PREPL: variants seen among roughly 807,000 people sequenced by gnomAD.
PREPL encodes prolyl endopeptidase like.
In PREPL, 77 loss-of-function variants were observed where a neutral mutation model predicts 70.6. That is an observed-to-expected ratio of 1.09 (90% CI 0.91 to 1.32). The LOEUF (loss-of-function observed/expected upper bound fraction) is 1.32. PREPL is among the 40% of genes most tolerant of loss of function. PREPL has a pLI of 0.00. For missense variants in PREPL, 1,002 were observed against 778.2 expected (o/e 1.29, Z -3.42); for synonymous variants, 315 against 264.8 (o/e 1.19, Z -1.84).
At chr2:44,335,826 A>G (rs1158088859) in intron 7 of PREPL, among the ~76,000 whole-genome samples, 1 of 151,998 alleles carries the variant, frequency 6.6e-6, no homozygotes, top group Non-Finnish European at 1.5e-5. Flanking sequence ...TTTATAAGGA[A>G]CTTATATTAA....
At chr2:44,327,037 A>G in intron 9 of PREPL, 109 bp from the exon 10 acceptor site, 1 of 916,656 alleles carries the variant, frequency 1.1e-6, no homozygotes, top group Non-Finnish European at 1.7e-6. Context: ...CCTGGAGCTA[A>G]GACTGGTTTT....
At position 44,346,294 on chromosome 2, in the gene PREPL, C is replaced by T. The variant is rs1339816393; in HGVS notation, c.49G>A (p.Glu17Lys). The T allele has an allele frequency of 6.2e-7, 1 of 1,612,416 alleles. No individual in the cohort carries two copies. The highest frequency in any genetic ancestry group is 1.7e-5 in the Admixed American group (1 of 59,932). Reference protein sequence around the residue: ...VRTKLETQPQEEYEIINVEVK... With the variant: ...VRTKLETQPQKEYEIINVEVK... ...TCCACATTGATGATTTCATATTCTT[C>T]TTGTGGCTGTGTTTCTAATTTTGTT... is the stretch of plus-strand genomic sequence containing the variant. Residue 17 changes from glutamate to lysine, a missense_variant, in exon 2 of 14, where the codon GAA becomes AAA. Transcript: ENST00000409411.
intron 13 of PREPL, 157 bp downstream of exon 13, chr2:44,321,670 A>T (rs1384670485): frequency 1.3e-6 from 2 of 1,537,678 alleles, no homozygotes; most frequent in South Asian, 2.5e-5. Flanking sequence ...ATTTCTCTTG[A>T]TTGACACAGT....
intron 1 of PREPL, among the ~76,000 whole-genome samples, chr2:44,361,077 A>G (rs966285258): frequency 3.3e-5 from 5 of 152,240 alleles, no homozygotes; most frequent in African/African-American, 1.2e-4. Context: ...CAAAGGTCCT[A>G]CATCACCACG....
Position 44,320,096 on chromosome 2 carries a change from G to T in PREPL, c.*1260C>A. ...TTTGGCAATTATAAGGGGCAAAATT[G>T]GAGCAAGTGTTTTGGGTAAATAACT... On this transcript the variant is annotated 3_prime_UTR_variant, in exon 14 of 14. Coordinates refer to ENST00000409411, the MANE Select transcript of PREPL (RefSeq NM_001171613.2). 3 of 1,013,972 alleles carry T rather than the reference G, an allele frequency of 3.0e-6. No individual in the cohort carries two copies. The Admixed American group carries it at 7.4e-5, about 25-fold the overall frequency. The allele number at this position is 1,013,972 out of a possible 1,614,324, so 62.8% of individuals were successfully genotyped here. A position where few individuals can be genotyped will look rare whatever the true frequency, so the allele number is the denominator to read the frequency against.
intron 8 of PREPL, 55 bp from the exon 9 acceptor site, chr2:44,329,167 T>G: frequency 7.1e-7 from 1 of 1,408,108 alleles, no homozygotes; most frequent in African/African-American, 1.4e-5. Context: ...AATAACTGTT[T>G]TATCCCAATT....
intron 1 of PREPL, among the ~76,000 whole-genome samples, chr2:44,355,820 T>C (rs1290655568): frequency 6.6e-6 from 1 of 151,150 alleles, no homozygotes; most frequent in East Asian, 1.9e-4. Context: ...TTGCAGGAGC[T>C]GCTAACCTGT....
chr2:44,317,878 A>G lies in PREPL; in HGVS notation c.*3478T>C. 1 of 216,118 alleles carries G rather than the reference A, an allele frequency of 4.6e-6. No homozygotes were observed. The highest frequency in any genetic ancestry group is 9.5e-6 in the Non-Finnish European group (1 of 104,850). The allele number at this position is 216,118 out of a possible 1,614,324, so 13.4% of individuals were successfully genotyped here. A position where few individuals can be genotyped will look rare whatever the true frequency, so the allele number is the denominator to read the frequency against. On this transcript the variant is annotated 3_prime_UTR_variant, in exon 14 of 14. Coordinates refer to ENST00000409411, the MANE Select transcript of PREPL (RefSeq NM_001171613.2). ...ATGGGTTAAATTAGCCTATTAAAAG[A>G]TAAAACCACTCAGATAACAAAAACA...
chr2:44,338,473 T>C lies in PREPL; in HGVS notation c.766A>G (p.Arg256Gly). The change falls in exon 7 of 14, where the codon AGA becomes GGA. Residue 256 changes from arginine to glycine, a missense_variant. Coordinates refer to ENST00000409411, the MANE Select transcript of PREPL (RefSeq NM_001171613.2). ...TCCAAGTCTATCACTTTTGTATTTC[T>C]CTTCATTGTAAAAAATAAATCCCAA... is the stretch of plus-strand genomic sequence containing the variant. ...MNWDLFFTMK[R>G]NTKVIDLDMF... 6.2e-7 allele frequency: 1 copy of C among 1,612,802 alleles called. No homozygotes were observed. Among genetic ancestry groups the C allele is most frequent in the East Asian group, 2.2e-5 (1 of 44,878 alleles).
intron 1 of PREPL, among the ~76,000 whole-genome samples, chr2:44,353,579 C>T (rs538203966): frequency 5.0e-4 from 76 of 150,818 alleles, no homozygotes; most frequent in African/African-American, 1.7e-3. Flanking sequence ...CAGAGCGAGA[C>T]TCCATCTCAA....
Position 44,339,255 on chromosome 2 carries a change from G to A in PREPL, c.594C>T (p.Asp198=), listed in dbSNP as rs373041097. 5.4e-5 allele frequency: 87 copies of A among 1,613,946 alleles called. No homozygotes were observed. The African/African-American group carries it at 1.1e-3, about 20-fold the overall frequency. Residue 198 remains aspartate (D), a synonymous_variant, in exon 6 of 14, where the codon GAC becomes GAT. Transcript: ENST00000409411. ...TTCGCTTCTGGATAAGTACTGGTGG[G>A]TCCCAAGGGCTCAGGCCATCTATCA... ...VWLIDGLSPW[D]PPVLIQKRIH... is the part of the protein sequence containing the mutation.
At chr2:44,326,495 G>GT (rs374387914) in intron 10 of PREPL, among the ~76,000 whole-genome samples, 4,952 of 136,850 alleles carry the variant, frequency 0.036, 199 homozygotes, top group African/African-American at 0.11. Context: ...GCCTGGGTAG[G>GT]TTTTTTTTTT....
At chr2:44,352,805 G>C (rs559607840) in intron 1 of PREPL, among the ~76,000 whole-genome samples, 1 of 152,046 alleles carries the variant, frequency 6.6e-6, no homozygotes, top group Non-Finnish European at 1.5e-5. Context: ...AACAAATATG[G>C]AGAAGATATC....
chr2:44,352,095 C>G (rs1242325109), intron 1 of PREPL, among the ~76,000 whole-genome samples: 2 of 152,316 alleles, frequency 1.3e-5, no homozygotes, highest in East Asian at 3.9e-4. Flanking sequence ...CTCCTTAAAG[C>G]TATTGCTCAA....
rs371187760 is a variant in PREPL at position 44,344,509 on chromosome 2, T to C, written c.142+11A>G. ...AAATTAGAGCACGTAAAAAGAAAAA[T>C]TGTGGTGTACCTTCTTCATCTTTGG... is the stretch of plus-strand genomic sequence containing the variant. On this transcript the variant is annotated intron_variant, in intron 3 of 13. Transcript: ENST00000409411. The C allele has an allele frequency of 2.7e-5, 42 of 1,548,236 alleles. No homozygotes were observed. The highest frequency in any genetic ancestry group is 1.2e-4 in the Admixed American group (6 of 49,724).
chr2:44,347,082 G>GC (rs1319836677), intron 1 of PREPL: 1 of 152,244 alleles, frequency 6.6e-6, no homozygotes, highest in Non-Finnish European at 1.5e-5. Flanking sequence ...TGTAACCCCA[G>GC]CATTTTGGGA....
Position 44,320,452 on chromosome 2 carries a change from C to A in PREPL, c.*904G>T. ...GCTAAAATGAGAATAAGGTTAAGTA[C>A]CAATTCTGCCGACAAAGGCAGTAAA... is the stretch of plus-strand genomic sequence containing the variant. On this transcript the variant is annotated 3_prime_UTR_variant, in exon 14 of 14. Transcript: ENST00000409411. 1 of 1,614,126 alleles carries A rather than the reference C, an allele frequency of 6.2e-7. No homozygotes were observed. Among genetic ancestry groups the A allele is most frequent in the Non-Finnish European group, 8.5e-7 (1 of 1,179,976 alleles).
intron 1 of PREPL, chr2:44,347,286 T>G (rs1259789586): frequency 6.6e-6 from 1 of 152,206 alleles, no homozygotes; most frequent in Non-Finnish European, 1.5e-5. Context: ...CAGTGAAGCA[T>G]GATCATGCCA....
intron 13 of PREPL, 45 bp from the exon 14 acceptor site, chr2:44,321,490 TA>T (rs1183378318): frequency 1.3e-6 from 2 of 1,590,160 alleles, no homozygotes; most frequent in African/African-American, 2.7e-5. Context: ...GCCTTTGTAG[TA>T]AAATGCCACT....
Sources: allele counts gnomAD v4.1 joint callset (sites outside exome capture counted in the v4.1 genomes callset), GRCh38; gene constraint gnomAD v4.1.1; transcripts MANE v1.5; gene names NCBI Gene and HGNC (gene_info 2026-07-23, HGNC 2026-07-21).